CNTLN: variants seen among roughly 807,000 people sequenced by gnomAD.
The protein encoded by CNTLN is centlein, centrosomal protein.
CNTLN carries 212 observed loss-of-function variants against 180.0 expected under a neutral mutation model. The observed-to-expected ratio is 1.18, with a 90% CI of 1.05 to 1.32. The LOEUF (loss-of-function observed/expected upper bound fraction) is 1.32, where lower values mean the gene tolerates loss of function less well. CNTLN is among the 40% of genes most tolerant of loss of function. The pLI, the probability that CNTLN is intolerant of heterozygous loss-of-function variation, is 0.00. For missense variants in CNTLN, 2,095 were observed against 1,610.9 expected, an observed-to-expected ratio of 1.30 and a Z score of -5.14; for synonymous variants, 722 against 563.1, an observed-to-expected ratio of 1.28 and a Z score of -3.99.
At chr9:17,139,591 C>T (rs904662128) in intron 1 of CNTLN, among the ~76,000 whole-genome samples, 8 of 151,006 alleles carry the variant, frequency 5.3e-5, no homozygotes, top group African/African-American at 7.3e-5. Flanking sequence ...ACTTGGGAGG[C>T]GAAGGTTGCA....
chr9:17,135,398 C>T lies in CNTLN; in HGVS notation c.333C>T (p.Ser111=). The T allele has an allele frequency of 6.3e-7, 1 of 1,597,726 alleles. No individual in the cohort carries two copies. Among genetic ancestry groups the T allele is most frequent in the African/African-American group, 1.3e-5 (1 of 74,926 alleles). Residue 111 remains serine, a synonymous_variant, in exon 1 of 26, where the codon AGC becomes AGT. Transcript: ENST00000380647. The part of the protein sequence containing the change: ...RTQLLEEELS[S]LKEELALCQA... Reference sequence around the variant, plus strand: ...AGCTGCTGGAGGAAGAGCTGAGCAGCCTAAAGGAGGAGTTGGCCCTGTGTC... The same window carrying T: ...AGCTGCTGGAGGAAGAGCTGAGCAGTCTAAAGGAGGAGTTGGCCCTGTGTC...
At chr9:17,223,003 C>T (rs145011815) in intron 2 of CNTLN, among the ~76,000 whole-genome samples, 1 of 152,106 alleles carries the variant, frequency 6.6e-6, no homozygotes, top group Admixed American at 6.6e-5. Flanking sequence ...ATGGGGGATA[C>T]GTTCCAAGCC....
intron 5 of CNTLN, among the ~76,000 whole-genome samples, chr9:17,242,919 G>C (rs917268567): frequency 6.6e-6 from 1 of 152,136 alleles, no homozygotes; most frequent in African/African-American, 2.4e-5. Flanking sequence ...AGCAGGATTG[G>C]TGTTAGCTCT....
intron 2 of CNTLN, among the ~76,000 whole-genome samples, chr9:17,159,735 C>T (rs987972536): frequency 2.0e-5 from 3 of 152,080 alleles, no homozygotes; most frequent in Non-Finnish European, 4.4e-5. Context: ...GAGACTACAC[C>T]GTGTTGAGCT....
In CNTLN at chr9:17,415,879, G is replaced by A; in HGVS notation, c.2888G>A (p.Arg963Lys). The change falls in exon 17 of 26, where the codon AGA becomes AAA. Residue 963 changes from arginine (R) to lysine (K), a missense_variant and splice_region_variant. By Grantham distance (26) the Arg-to-Lys change is conservative. Coordinates refer to ENST00000380647, the MANE Select transcript of CNTLN (RefSeq NM_017738.4). ...QKSSHTAVPT[R>K]VNREKYKNIT... Reference sequence around the variant, plus strand: ...AGTTCACATACAGCAGTTCCTACTAGAGGTAAGAATGTATATGCAATTAAC... The same window carrying A: ...AGTTCACATACAGCAGTTCCTACTAAAGGTAAGAATGTATATGCAATTAAC... The A allele has an allele frequency of 6.2e-7, 1 of 1,606,300 alleles. No homozygotes were observed. Among genetic ancestry groups the A allele is most frequent in the Non-Finnish European group, 8.5e-7 (1 of 1,175,592 alleles).
intron 14 of CNTLN, among the ~76,000 whole-genome samples, chr9:17,392,118 T>C (rs549482109): frequency 6.6e-6 from 1 of 152,116 alleles, no homozygotes; most frequent in African/African-American, 2.4e-5. Context: ...ATATAAAAAA[T>C]TAGCCAAGTG....
At chr9:17,365,675 G>A (rs893561268) in intron 12 of CNTLN, among the ~76,000 whole-genome samples, 8 of 152,164 alleles carry the variant, frequency 5.3e-5, no homozygotes, top group Admixed American at 3.3e-4. Context: ...ATGTGGTTGA[G>A]CATGGCGGGT....
intron 18 of CNTLN, among the ~76,000 whole-genome samples, chr9:17,439,829 C>T (rs1048938167): frequency 6.6e-6 from 1 of 152,174 alleles, no homozygotes; most frequent in Non-Finnish European, 1.5e-5. Flanking sequence ...GGAGATCTCT[C>T]TGCTCTCTGC....
At chr9:17,410,536 A>C (rs530685504) in intron 16 of CNTLN, among the ~76,000 whole-genome samples, 21 of 152,056 alleles carry the variant, frequency 1.4e-4, no homozygotes, top group African/African-American at 5.1e-4. Context: ...TAACATCTCA[A>C]TTCTAATGTG....
rs753725544 is a variant in CNTLN at position 17,135,190 on chromosome 9, C to G, written c.125C>G (p.Ala42Gly). 1 of 1,610,206 alleles carries G rather than the reference C, an allele frequency of 6.2e-7. No homozygotes were observed. The highest frequency in any genetic ancestry group is 2.2e-5 in the East Asian group (1 of 44,702). ...ATGCGCAGCGAGGCCTCGGGTTTTG[C>G]CGGCGCAGCGCGGGAGGTGGTCGCG... ...HAMRSEASGF[A>G]GAAREVVADE... Residue 42 changes from alanine (A) to glycine (G), a missense_variant, in exon 1 of 26, where the codon GCC becomes GGC. Transcript: ENST00000380647.
chr9:17,262,267 C>A (rs113338197), intron 5 of CNTLN, among the ~76,000 whole-genome samples: 8,501 of 151,542 alleles, frequency 0.056, 550 homozygotes, highest in East Asian at 0.18. Context: ...TATAAAGACA[C>A]ATGCACACGT....
intron 2 of CNTLN, among the ~76,000 whole-genome samples, chr9:17,147,282 C>A (rs1407551980): frequency 1.3e-5 from 2 of 152,168 alleles, no homozygotes; most frequent in African/African-American, 2.4e-5. Flanking sequence ...GAGTAGGGAT[C>A]TTTTCTGGAC....
At chr9:17,332,824 TC>T in intron 10 of CNTLN, 94 bp downstream of exon 10, 1 of 995,106 alleles carries the variant, frequency 1.0e-6, no homozygotes, top group South Asian at 2.7e-5. Context: ...TTGTCCTTTT[TC>T]TTTCCTGAAT....
At chr9:17,405,426 G>A (rs529148359) in intron 15 of CNTLN, among the ~76,000 whole-genome samples, 266 of 151,898 alleles carry the variant, frequency 1.8e-3, no homozygotes, top group Middle Eastern at 0.01. Flanking sequence ...CACATTTGAT[G>A]AGGGTCTTCT....
At chr9:17,461,544 A>G (rs961909027) in intron 19 of CNTLN, among the ~76,000 whole-genome samples, 1 of 151,748 alleles carries the variant, frequency 6.6e-6, no homozygotes, top group African/African-American at 2.4e-5. Flanking sequence ...TTTTATTTGT[A>G]TGTTATACCC....
At chr9:17,365,912 C>G (rs566221111) in intron 12 of CNTLN, among the ~76,000 whole-genome samples, 1 of 152,268 alleles carries the variant, frequency 6.6e-6, no homozygotes, top group African/African-American at 2.4e-5. Context: ...TGCCACTGCA[C>G]TTCAGCTTGG....
At chr9:17,328,295 A>G (rs369662551) in intron 8 of CNTLN, among the ~76,000 whole-genome samples, 3 of 152,300 alleles carry the variant, frequency 2.0e-5, no homozygotes, top group East Asian at 1.9e-4. Flanking sequence ...ACTTCTACCC[A>G]CTACCACATT....
chr9:17,445,821 C>T lies in CNTLN; in HGVS notation c.3115-11703C>T, dbSNP rs867329429. Reference sequence around the variant, plus strand: ...GGAGGATTAGTAAAAGAGGAAGGAACGCCTCTTGCAGTTGAGACAAGAGGA... The same window carrying T: ...GGAGGATTAGTAAAAGAGGAAGGAATGCCTCTTGCAGTTGAGACAAGAGGA... On this transcript the variant is annotated intron_variant, in intron 18 of 25. Transcript: ENST00000380647. 6.3e-3 allele frequency among the ~76,000 whole-genome samples: 953 copies of T among 152,034 alleles called. 9 individuals carry two copies. The highest frequency in any genetic ancestry group is 0.022 in the African/African-American group (904 of 41,352).
intron 6 of CNTLN, among the ~76,000 whole-genome samples, chr9:17,293,404 G>C (rs1394229382): frequency 2.0e-5 from 3 of 152,190 alleles, no homozygotes; most frequent in Admixed American, 6.5e-5. Flanking sequence ...TGAATACTGT[G>C]GCTGCCTCTC....
Sources: allele counts gnomAD v4.1 joint callset (sites outside exome capture counted in the v4.1 genomes callset), GRCh38; gene constraint gnomAD v4.1.1; transcripts MANE v1.5; gene names NCBI Gene and HGNC (gene_info 2026-07-23, HGNC 2026-07-21).